PTPN2: variants seen among roughly 807,000 people sequenced by gnomAD.
The protein encoded by PTPN2 is protein tyrosine phosphatase non-receptor type 2, also known as tyrosine-protein phosphatase non-receptor type 2.
Under a neutral mutation model 57.3 loss-of-function variants are expected in PTPN2, and 19 were observed. The observed-to-expected ratio is 0.33, with a 90% CI of 0.23 to 0.49. PTPN2 has a LOEUF of 0.49. PTPN2 is among the 20% of genes least tolerant of loss of function. PTPN2 has a pLI of 0.99. For missense variants in PTPN2, 358 were observed against 501.1 expected, an observed-to-expected ratio of 0.71 and a Z score of 2.73; for synonymous variants, 153 against 164.9, an observed-to-expected ratio of 0.93 and a Z score of 0.55.
At chr18:12,852,234 T>TCACACACACA (rs1326088189) in intron 2 of PTPN2, among the ~76,000 whole-genome samples, 3 of 68,648 alleles carry the variant, frequency 4.4e-5, no homozygotes, top group Non-Finnish European at 1.2e-4. Context: ...ACACACAGAT[T>TCACACACACA]GTTTCATGGC....
intron 1 of PTPN2, among the ~76,000 whole-genome samples, chr18:12,871,758 T>C (rs911670359): frequency 6.6e-6 from 1 of 152,142 alleles, no homozygotes; most frequent in Non-Finnish European, 1.5e-5. Context: ...TACTGTAGTA[T>C]AAAGAATGAG....
intron 2 of PTPN2, among the ~76,000 whole-genome samples, chr18:12,851,084 G>T (rs1192591578): frequency 6.6e-6 from 1 of 152,052 alleles, no homozygotes; most frequent in Admixed American, 6.6e-5. Context: ...CTAGTCAATG[G>T]TCCATTTTTT....
intron 2 of PTPN2, among the ~76,000 whole-genome samples, chr18:12,843,584 G>A (rs1241011473): frequency 6.6e-6 from 1 of 152,014 alleles, no homozygotes; most frequent in African/African-American, 2.4e-5. Context: ...TTTTAAGAGG[G>A]GCCTCTTAGG....
chr18:12,819,304 TC>T, intron 5 of PTPN2: 1 of 1,177,602 alleles, frequency 8.5e-7, no homozygotes, highest in Non-Finnish European at 1.2e-6. Context: ...AAAAAATTTC[TC>T]CATTACAAAT....
intron 1 of PTPN2, among the ~76,000 whole-genome samples, chr18:12,870,437 A>ATG (rs1233162492): frequency 1.5e-4 from 4 of 26,550 alleles, no homozygotes; most frequent in Admixed American, 4.8e-4. Flanking sequence ...GTATATATAT[A>ATG]TGTGTATATA....
intron 6 of PTPN2, among the ~76,000 whole-genome samples, chr18:12,815,418 T>C (rs2042042318): frequency 6.6e-6 from 1 of 151,126 alleles, no homozygotes; most frequent in Admixed American, 6.6e-5. Flanking sequence ...CTCAAATAAA[T>C]AAATAAATAA....
intron 1 of PTPN2, among the ~76,000 whole-genome samples, chr18:12,883,078 C>A (rs1598910627): frequency 6.6e-6 from 1 of 152,188 alleles, no homozygotes; most frequent in Non-Finnish European, 1.5e-5. Context: ...GTGAGCTGAA[C>A]AGGCACGATT....
intron 1 of PTPN2, among the ~76,000 whole-genome samples, chr18:12,862,980 G>C (rs2043866679): frequency 6.6e-6 from 1 of 151,558 alleles, no homozygotes; most frequent in Non-Finnish European, 1.5e-5. Context: ...GCATTTTCAG[G>C]AATACCCAAG....
intron 1 of PTPN2, among the ~76,000 whole-genome samples, chr18:12,875,680 A>T (rs1836474936): frequency 6.6e-6 from 1 of 152,228 alleles, no homozygotes; most frequent in African/African-American, 2.4e-5. Flanking sequence ...TTATTCAAGA[A>T]AGTGAAGAGC....
intron 5 of PTPN2, among the ~76,000 whole-genome samples, chr18:12,821,743 G>A (rs980015726): frequency 1.3e-5 from 2 of 152,104 alleles, no homozygotes; most frequent in African/African-American, 2.4e-5. Flanking sequence ...CTGGATACCC[G>A]AAGGAGAGGG....
chr18:12,870,437 A>G lies in PTPN2; in HGVS notation c.70-11183T>C, dbSNP rs1174981040. On this transcript the variant is annotated intron_variant, in intron 1 of 8. Transcript: ENST00000309660. ...TATGTATATATATACGTATATATAT[A>G]TGTGTATATATATATATATATATAT... Among the ~76,000 whole-genome samples the G allele has an allele frequency of 6.4e-4, 17 of 26,538 alleles. 1 individual carries two copies. The highest frequency in any genetic ancestry group is 2.5e-3 in the East Asian group (1 of 396). The allele number at this position is 26,538 out of a possible 152,430, so 17.4% of individuals were successfully genotyped here.
chr18:12,853,986 G>C (rs2043484579), intron 2 of PTPN2, among the ~76,000 whole-genome samples: 1 of 152,180 alleles, frequency 6.6e-6, no homozygotes. Context: ...GATGGGTTTG[G>C]AGGCTACTGT....
At chr18:12,826,974 C>G (rs1020112835) in intron 4 of PTPN2, among the ~76,000 whole-genome samples, 1 of 152,124 alleles carries the variant, frequency 6.6e-6, no homozygotes, top group African/African-American at 2.4e-5. Flanking sequence ...GCATGATTAC[C>G]TATATTTTAA....
intron 1 of PTPN2, 86 bp downstream of exon 1, chr18:12,883,986 CG>C (rs2044766976): frequency 8.3e-7 from 1 of 1,205,198 alleles, no homozygotes; most frequent in Non-Finnish European, 1.1e-6. Context: ...AGGCGAGAGG[CG>C]GGGGAGGCGG....
chr18:12,797,874 G>T (rs912823691), intron 8 of PTPN2, among the ~76,000 whole-genome samples: 9 of 152,024 alleles, frequency 5.9e-5, no homozygotes, highest in African/African-American at 2.2e-4. Context: ...CTACAGGCAG[G>T]TCCCACCACA....
intron 7 of PTPN2, among the ~76,000 whole-genome samples, chr18:12,803,146 C>A (rs1240819714): frequency 6.6e-6 from 1 of 151,864 alleles, no homozygotes. Flanking sequence ...TTTTATGAGA[C>A]CAAGGTTAAG....
At chr18:12,832,382 G>T (rs950529553) in intron 3 of PTPN2, among the ~76,000 whole-genome samples, 6 of 152,278 alleles carry the variant, frequency 3.9e-5, no homozygotes, top group Admixed American at 3.9e-4. Flanking sequence ...CTCCCAAAGT[G>T]CTGGGATTAC....
At chr18:12,857,601 G>C (rs1337277944) in intron 2 of PTPN2, among the ~76,000 whole-genome samples, 1 of 152,210 alleles carries the variant, frequency 6.6e-6, no homozygotes, top group African/African-American at 2.4e-5. Context: ...GGTAACATTA[G>C]AGAATTATTC....
At chr18:12,835,232 G>A (rs1294823131) in intron 3 of PTPN2, among the ~76,000 whole-genome samples, 20 of 151,904 alleles carry the variant, frequency 1.3e-4, no homozygotes, top group Admixed American at 1.3e-3. Flanking sequence ...TTACAGAAAG[G>A]AATAAAATGG....
Sources: gnomAD v4.1 joint callset for allele counts (sites outside exome capture counted in the v4.1 genomes callset) on GRCh38, gnomAD v4.1.1 for gene constraint, MANE v1.5 for transcripts, NCBI Gene and HGNC (gene_info 2026-07-23, HGNC 2026-07-21) for gene names.